INPP4B: variants seen among roughly 807,000 people sequenced by gnomAD.
INPP4B encodes inositol polyphosphate-4-phosphatase type II B.
A neutral mutation model predicts 122.5 loss-of-function variants in INPP4B; 55 were observed. The observed-to-expected ratio is 0.45, with a 90% CI of 0.36 to 0.56. The LOEUF (loss-of-function observed/expected upper bound fraction) is 0.56. INPP4B is among the 20% of genes least tolerant of loss of function. The pLI, the probability that INPP4B is intolerant of heterozygous loss-of-function variation, is 0.00. For missense variants in INPP4B, 1,000 were observed against 1,097.7 expected, an observed-to-expected ratio of 0.91 and a Z score of 1.26; for synonymous variants, 403 against 388.7, an observed-to-expected ratio of 1.04 and a Z score of -0.43.
At chr4:142,105,583 T>A (rs888005763) in intron 23 of INPP4B, among the ~76,000 whole-genome samples, 1 of 152,166 alleles carries the variant, frequency 6.6e-6, no homozygotes, top group East Asian at 1.9e-4. Context: ...AATTTATCAT[T>A]AAGTCCTGAT....
chr4:142,391,400 A>AC (rs1452227935), intron 7 of INPP4B, among the ~76,000 whole-genome samples: 1 of 152,128 alleles, frequency 6.6e-6, no homozygotes, highest in Non-Finnish European at 1.5e-5. Flanking sequence ...TCTACTAAAA[A>AC]ACACACAAAA....
chr4:142,775,337 G>T (rs1004903401), intron 1 of INPP4B, among the ~76,000 whole-genome samples: 3 of 152,088 alleles, frequency 2.0e-5, no homozygotes, highest in Admixed American at 2.0e-4. Flanking sequence ...ACTTCATGAA[G>T]GTAGAGTATC....
At chr4:142,674,893 C>T (rs961729697) in intron 2 of INPP4B, among the ~76,000 whole-genome samples, 1 of 152,044 alleles carries the variant, frequency 6.6e-6, no homozygotes, top group Non-Finnish European at 1.5e-5. Flanking sequence ...TAAATGCCCA[C>T]AAGAGAAAGC....
intron 22 of INPP4B, among the ~76,000 whole-genome samples, chr4:142,108,908 A>G (rs957714251): frequency 6.6e-6 from 1 of 152,166 alleles, no homozygotes; most frequent in Non-Finnish European, 1.5e-5. Context: ...TATCTTCATC[A>G]AAATCTCTAT....
rs576947568 is a variant in INPP4B at position 142,234,939 on chromosome 4, G to A, written c.836+2925C>T. Among the ~76,000 whole-genome samples the A allele has an allele frequency of 3.3e-5, 5 of 152,262 alleles. No homozygotes were observed. In the South Asian group the frequency reaches 1.0e-3, roughly 32 times the overall value. ...ATAAAGAGAAGAGAGAAGAGGGTAG[G>A]TGGATAATACTTTGATGTGTTCAAA... On this transcript the variant is annotated intron_variant, in intron 12 of 25. Coordinates refer to ENST00000262992, the MANE Select transcript of INPP4B (RefSeq NM_001101669.3).
intron 7 of INPP4B, among the ~76,000 whole-genome samples, chr4:142,332,292 A>T (rs1774817988): frequency 6.6e-6 from 1 of 152,140 alleles, no homozygotes; most frequent in Non-Finnish European, 1.5e-5. Flanking sequence ...TCTTGGCTTT[A>T]TTTTCCGTTT....
intron 10 of INPP4B, among the ~76,000 whole-genome samples, chr4:142,261,688 C>T (rs982405979): frequency 2.0e-5 from 3 of 152,126 alleles, no homozygotes; most frequent in African/African-American, 4.8e-5. Flanking sequence ...CACTGGCCCT[C>T]TTTAAGAATC....
intron 2 of INPP4B, among the ~76,000 whole-genome samples, chr4:142,677,022 CA>C (rs1757913346): frequency 6.6e-6 from 1 of 152,152 alleles, no homozygotes; most frequent in South Asian, 2.1e-4. Flanking sequence ...AGCTTCTGCA[CA>C]GCAAAAGAAA....
chr4:142,139,579 T>C (rs560345878), intron 18 of INPP4B, among the ~76,000 whole-genome samples: 172 of 152,304 alleles, frequency 1.1e-3, no homozygotes, highest in African/African-American at 3.9e-3. Flanking sequence ...AGTGCTGGGA[T>C]TACAGTCGTG....
intron 25 of INPP4B, among the ~76,000 whole-genome samples, chr4:142,064,973 G>T (rs1023574038): frequency 2.0e-5 from 3 of 152,112 alleles, no homozygotes; most frequent in African/African-American, 4.8e-5. Context: ...CAGATATTTT[G>T]CAGTTTTAAA....
chr4:142,819,202 G>A (rs1780509590), intron 1 of INPP4B, among the ~76,000 whole-genome samples: 1 of 152,182 alleles, frequency 6.6e-6, no homozygotes, highest in South Asian at 2.1e-4. Flanking sequence ...GTAATAAACA[G>A]CTTTAGCAGC....
At chr4:142,829,583 A>G (rs1271212302) in intron 1 of INPP4B, among the ~76,000 whole-genome samples, 1 of 152,184 alleles carries the variant, frequency 6.6e-6, no homozygotes, top group Non-Finnish European at 1.5e-5. Flanking sequence ...CAGAAAAAAA[A>G]AGACAGAGCA....
chr4:142,531,890 T>C (rs1827659537), intron 2 of INPP4B, among the ~76,000 whole-genome samples: 1 of 152,192 alleles, frequency 6.6e-6, no homozygotes, highest in Non-Finnish European at 1.5e-5. Context: ...AAGCTGAATA[T>C]AACTGATAAA....
At chr4:142,402,885 G>A (rs565373063) in intron 7 of INPP4B, 53 bp downstream of exon 7, 85 of 899,996 alleles carry the variant, frequency 9.4e-5, no homozygotes, top group Admixed American at 1.9e-4. Context: ...AAATCCAATC[G>A]TGTGGAAAAG....
At chr4:142,517,535 C>T (rs1284824668) in intron 2 of INPP4B, among the ~76,000 whole-genome samples, 2 of 152,174 alleles carry the variant, frequency 1.3e-5, no homozygotes, top group African/African-American at 4.8e-5. Flanking sequence ...TGCATCCTTG[C>T]ACTCCCTTCA....
chr4:142,391,857 G>A (rs984834598), intron 7 of INPP4B, among the ~76,000 whole-genome samples: 1 of 152,266 alleles, frequency 6.6e-6, no homozygotes, highest in East Asian at 1.9e-4. Flanking sequence ...CTGTTGGGCC[G>A]TTTAAACATT....
At chr4:142,085,983 A>C (rs1323374078) in intron 24 of INPP4B, among the ~76,000 whole-genome samples, 161 bp downstream of exon 24, 3 of 152,210 alleles carry the variant, frequency 2.0e-5, no homozygotes, top group African/African-American at 7.2e-5. Context: ...TAGTCTATGG[A>C]TAGAACTACC....
chr4:142,551,543 T>C (rs17016354), intron 2 of INPP4B, among the ~76,000 whole-genome samples: 36,150 of 152,078 alleles, frequency 0.24, 5,369 homozygotes, highest in East Asian at 0.77. Context: ...ATTTCAGTGA[T>C]GTAAACCCCT....
At chr4:142,125,446 T>G (rs1798252569) in intron 18 of INPP4B, among the ~76,000 whole-genome samples, 2 of 152,178 alleles carry the variant, frequency 1.3e-5, no homozygotes, top group Admixed American at 1.3e-4. Flanking sequence ...CCTATTTGTC[T>G]AATCTCATCT....
Sources: gnomAD v4.1 joint callset for allele counts (sites outside exome capture counted in the v4.1 genomes callset) on GRCh38, gnomAD v4.1.1 for gene constraint, MANE v1.5 for transcripts, NCBI Gene and HGNC (gene_info 2026-07-23, HGNC 2026-07-21) for gene names.